NCOA6: variants seen among roughly 807,000 people sequenced by gnomAD.
The protein encoded by NCOA6 is NRC RAP250.
NCOA6 carries 49 observed loss-of-function variants against 171.4 expected under a neutral mutation model. That is an observed-to-expected ratio of 0.29 (90% CI 0.23 to 0.36). NCOA6 has a LOEUF of 0.36. Among genes scored for constraint, NCOA6 ranks in the 10% least tolerant of loss-of-function variants. The pLI is 1.00. For missense variants in NCOA6, 2,248 were observed against 2,554.5 expected (o/e 0.88, Z 2.59); for synonymous variants, 910 against 927.5 (o/e 0.98, Z 0.34).
intron 7 of NCOA6, among the ~76,000 whole-genome samples, chr20:34,756,017 G>A (rs1219936408): frequency 1.3e-5 from 2 of 152,180 alleles, no homozygotes; most frequent in African/African-American, 2.4e-5. Context: ...GATTACAGGC[G>A]TGAGCCACTG....
chr20:34,758,088 GA>G lies in NCOA6; in HGVS notation c.659del (p.Leu220ProfsTer17). 6.2e-7 allele frequency: 1 copy of G among 1,610,252 alleles called. No homozygotes were observed. The highest frequency in any genetic ancestry group is 8.5e-7 in the Non-Finnish European group (1 of 1,177,054). ...GCTGCTGTATATGGAGCCCAGAGAG[GA>G]GTGGATCCATTGCATCTGTTTAAAG... Reference protein sequence around the residue: ...PASQSDAMDPLLSGLHIQQQS... With the variant: ...PASQSDAMDPXLSGLHIQQQS... On this transcript the variant is annotated frameshift_variant, in exon 7 of 15. Coordinates refer to ENST00000359003, the MANE Select transcript of NCOA6 (RefSeq NM_014071.5). LOFTEE classifies it high-confidence loss of function.
intron 1 of NCOA6, among the ~76,000 whole-genome samples, chr20:34,806,174 A>G (rs975735774): frequency 2.0e-5 from 3 of 152,336 alleles, no homozygotes; most frequent in Admixed American, 6.5e-5. Context: ...AGTAATGTTA[A>G]GCAGATTTTC....
chr20:34,807,076 G>C (rs537946624), intron 1 of NCOA6, among the ~76,000 whole-genome samples: 2 of 152,246 alleles, frequency 1.3e-5, no homozygotes, highest in East Asian at 3.9e-4. Context: ...AAATGTGATA[G>C]GATGCCACTC....
At chr20:34,766,303 T>C (rs1405294969) in intron 5 of NCOA6, among the ~76,000 whole-genome samples, 2 of 152,086 alleles carry the variant, frequency 1.3e-5, no homozygotes, top group Admixed American at 6.6e-5. Context: ...GTTTCCTAGG[T>C]TGATAATCAA....
chr20:34,785,413 C>T (rs1186124642), intron 2 of NCOA6, among the ~76,000 whole-genome samples: 1 of 144,918 alleles, frequency 6.9e-6, no homozygotes, highest in East Asian at 2.0e-4. Flanking sequence ...TAGGTAACAG[C>T]GAGACCATGT....
chr20:34,741,434 T>C lies in NCOA6; in HGVS notation c.4822A>G (p.Thr1608Ala). Residue 1608 changes from threonine (T) to alanine (A), a missense_variant, in exon 11 of 15, where the codon ACT (threonine) becomes GCT (alanine). Thr to Ala is a moderately conservative substitution (Grantham distance 58). Coordinates refer to ENST00000359003, the MANE Select transcript of NCOA6 (RefSeq NM_014071.5). ...TVFVTSNPIT[T>A]SANTSAALPT... is the part of the protein sequence containing the mutation. ...AAAGCTGCTGATGTGTTAGCTGAAG[T>C]TGTGATGGGATTGGAAGTGACAAAT... The C allele has an allele frequency of 6.2e-7, 1 of 1,614,064 alleles. No individual in the cohort carries two copies. Among genetic ancestry groups the C allele is most frequent in the South Asian group, 1.1e-5 (1 of 91,082 alleles).
Position 34,749,755 on chromosome 20 carries a change from A to C in NCOA6, c.2440T>G (p.Leu814Val). The C allele has an allele frequency of 1.2e-6, 2 of 1,614,212 alleles. No individual in the cohort carries two copies. Among genetic ancestry groups the C allele is most frequent in the African/African-American group, 2.7e-5 (2 of 75,068 alleles). Residue 814 changes from leucine to valine, a missense_variant, in exon 9 of 15, where the codon TTA becomes GTA. Transcript: ENST00000359003. Reference sequence around the variant, plus strand: ...CTAACATCAGGCATCATCTGAGATAAACTGACATCGTTATTTGCTGTAGTA... The same window carrying C: ...CTAACATCAGGCATCATCTGAGATACACTGACATCGTTATTTGCTGTAGTA... ...PATTANNDVS[L>V]SQMMPDVSIQ...
At chr20:34,751,263 G>A (rs1037998707) in intron 8 of NCOA6, among the ~76,000 whole-genome samples, 4 of 148,544 alleles carry the variant, frequency 2.7e-5, no homozygotes, top group Admixed American at 1.4e-4. Context: ...CCAGCTACTC[G>A]GGAGGCTGAG....
At position 34,746,857 on chromosome 20, in the gene NCOA6, T is replaced by C. The variant is rs17092079; in HGVS notation, c.2864A>G (p.Asn955Ser). Reference sequence around the variant, plus strand: ...CAGTTTAGGGCCTGAGTTATCCAAGTTAATTCCTTGTTCTCCAGGCAACGG... The same window carrying C: ...CAGTTTAGGGCCTGAGTTATCCAAGCTAATTCCTTGTTCTCCAGGCAACGG... ...QPPLPGEQGI[N>S]LDNSGPKLPE... Residue 955 changes from asparagine to serine, a missense_variant, in exon 10 of 15, where the codon AAC becomes AGC. Around this residue, in one of 7 missense-constraint regions of NCOA6, gnomAD observed 352 missense variants for 419.1 expected, o/e 0.84. Transcript: ENST00000359003. 18,419 of 1,609,678 alleles carry C rather than the reference T, an allele frequency of 0.011. 1,791 individuals are homozygous for C. In the African/African-American group the frequency reaches 0.22, roughly 19 times the overall value.
chr20:34,720,935 T>C (rs1411870894), intron 14 of NCOA6, among the ~76,000 whole-genome samples: 1 of 152,204 alleles, frequency 6.6e-6, no homozygotes, highest in East Asian at 1.9e-4. Flanking sequence ...CCAAGAGCTT[T>C]AATACTGAAA....
intron 2 of NCOA6, among the ~76,000 whole-genome samples, chr20:34,786,616 C>T (rs1049646199): frequency 6.6e-6 from 1 of 152,154 alleles, no homozygotes; most frequent in African/African-American, 2.4e-5. Flanking sequence ...AAAAGTCATT[C>T]ACGAGCAGGT....
Position 34,757,630 on chromosome 20 carries a change from G to A in NCOA6, c.1118C>T (p.Pro373Leu). Reference sequence around the variant, plus strand: ...CTGGCTGCCAAAGGGATATGGAGGGGGAGGGTGGGAAGGCGTCTGTACCGT... The same window carrying A: ...CTGGCTGCCAAAGGGATATGGAGGGAGAGGGTGGGAAGGCGTCTGTACCGT... The part of the protein sequence containing the change: ...LATVQTPSHP[P>L]PPYPFGSQQA... Residue 373 changes from proline to leucine, a missense_variant, in exon 7 of 15, where the codon CCC becomes CTC. Pro to Leu is a moderately conservative substitution (Grantham distance 98). Around this residue, in one of 7 missense-constraint regions of NCOA6, gnomAD observed 987 missense variants for 1,104.7 expected, o/e 0.89. Transcript: ENST00000359003. 1 of 1,614,040 alleles carries A rather than the reference G, an allele frequency of 6.2e-7. No individual in the cohort carries two copies. Among genetic ancestry groups the A allele is most frequent in the Non-Finnish European group, 8.5e-7 (1 of 1,179,936 alleles).
intron 14 of NCOA6, among the ~76,000 whole-genome samples, chr20:34,722,889 GC>G (rs1397800145): frequency 1.3e-5 from 2 of 151,878 alleles, no homozygotes; most frequent in East Asian, 3.9e-4. Context: ...CCTCTGTAAT[GC>G]CAGCAACCTG....
chr20:34,784,228 T>C (rs1164315138), intron 2 of NCOA6, among the ~76,000 whole-genome samples: 3 of 152,122 alleles, frequency 2.0e-5, no homozygotes, highest in African/African-American at 7.2e-5. Context: ...TTTAACTTTT[T>C]TTTTTTTAAT....
intron 12 of NCOA6, among the ~76,000 whole-genome samples, chr20:34,736,202 C>T (rs1216242382): frequency 6.6e-6 from 1 of 152,110 alleles, no homozygotes; most frequent in Non-Finnish European, 1.5e-5. Flanking sequence ...CTTAATGCCA[C>T]CCAGAGACGA....
At chr20:34,775,672 C>CAAAAAAAAAAAAAAAAAAA (rs570763953) in intron 4 of NCOA6, among the ~76,000 whole-genome samples, 2 of 77,572 alleles carry the variant, frequency 2.6e-5, no homozygotes, top group Non-Finnish European at 5.1e-5. Context: ...GACTCTGTCT[C>CAAAAAAAAAAAAAAAAAAA]AAAAAAAAAA....
intron 3 of NCOA6, among the ~76,000 whole-genome samples, chr20:34,778,160 C>G (rs537502170): frequency 3.7e-4 from 57 of 152,236 alleles, no homozygotes; most frequent in Middle Eastern, 6.8e-3. Flanking sequence ...CCTCGGCCTC[C>G]CGAAGTGCTG....
intron 10 of NCOA6, among the ~76,000 whole-genome samples, chr20:34,746,243 C>T (rs543724154): frequency 1.3e-5 from 2 of 150,796 alleles, no homozygotes; most frequent in African/African-American, 2.4e-5. Flanking sequence ...AGGCACTTCA[C>T]ATTTCATGGT....
chr20:34,773,031 T>G (rs961491974), intron 4 of NCOA6, among the ~76,000 whole-genome samples: 7 of 152,164 alleles, frequency 4.6e-5, no homozygotes, highest in Non-Finnish European at 8.8e-5. Context: ...CTCCCAAACT[T>G]GCCAATTAGG....
Sources: gnomAD v4.1 joint callset for allele counts (sites outside exome capture counted in the v4.1 genomes callset) on GRCh38, gnomAD v4.1.1 for gene constraint, gnomAD v4.1.1 regional missense constraint, MANE v1.5 for transcripts, NCBI Gene and HGNC (gene_info 2026-07-23, HGNC 2026-07-21) for gene names.